CREB3L1: variants seen among roughly 807,000 people sequenced by gnomAD.
CREB3L1 encodes cyclic AMP-responsive element-binding protein 3-like protein 1.
In CREB3L1, 33 loss-of-function variants were observed where a neutral mutation model predicts 54.5. The ratio of observed to expected loss-of-function variants is 0.61; its 90% CI spans 0.46 to 0.81. CREB3L1 has a LOEUF of 0.81. CREB3L1 is among the 30% of genes least tolerant of loss of function. The pLI, the probability that CREB3L1 is intolerant of heterozygous loss-of-function variation, is 0.00. For synonymous variants in CREB3L1, 284 were observed against 286.4 expected (o/e 0.99, Z 0.08); for missense variants, 656 against 673.3 (o/e 0.97, Z 0.29).
intron 1 of CREB3L1, among the ~76,000 whole-genome samples, chr11:46,287,716 G>A (rs766798065): frequency 7.2e-5 from 11 of 152,078 alleles, no homozygotes; most frequent in Non-Finnish European, 1.6e-4. Flanking sequence ...GGTGGTTCAC[G>A]CCTGTAATCC....
chr11:46,318,520 G>A (rs888734095), intron 10 of CREB3L1, among the ~76,000 whole-genome samples: 3 of 152,230 alleles, frequency 2.0e-5, no homozygotes, highest in African/African-American at 7.2e-5. Context: ...GACAGTGCAT[G>A]AAATAGCACA....
chr11:46,307,952 C>A lies in CREB3L1; in HGVS notation c.468C>A (p.Thr156=), dbSNP rs1239632029. The A allele has an allele frequency of 1.3e-6, 2 of 1,567,002 alleles. No individual in the cohort carries two copies. The highest frequency in any genetic ancestry group is 1.4e-5 in the African/African-American group (1 of 73,262). ...CTGCCGCGGCCGCCATGGCCACCAC[C>A]CCGCTGCTGGGCCTCAGCCCCTTGT... The part of the protein sequence containing the change: ...AMAAAAAMAT[T]PLLGLSPLSR... The change falls in exon 3 of 12, where the codon ACC becomes ACA. Residue 156 remains threonine (T), a synonymous_variant. Coordinates refer to ENST00000621158, the MANE Select transcript of CREB3L1 (RefSeq NM_052854.4).
intron 7 of CREB3L1, 42 bp downstream of exon 7, chr11:46,312,712 G>T: frequency 6.3e-7 from 1 of 1,584,478 alleles, no homozygotes; most frequent in South Asian, 1.1e-5. Context: ...TCCCTTGCCT[G>T]ACCTGCCCTC....
chr11:46,307,758 C>A (rs1318707651), intron 2 of CREB3L1, 58 bp from the exon 3 acceptor site: 6 of 1,402,604 alleles, frequency 4.3e-6, no homozygotes, highest in Non-Finnish European at 4.8e-6. Flanking sequence ...TCCCAGGGGG[C>A]AGGCAGGGGG....
chr11:46,320,783 G>C lies in CREB3L1; in HGVS notation c.*37G>C. 1.9e-6 allele frequency: 3 copies of C among 1,603,996 alleles called. No individual in the cohort carries two copies. Among genetic ancestry groups the C allele is most frequent in the Non-Finnish European group, 2.6e-6 (3 of 1,174,878 alleles). ...ACCCAGGACATAGGACGGACCCCTG[G>C]TACCCAGAAGAGGAGTTCTTGCTCA... On this transcript the variant is annotated 3_prime_UTR_variant, in exon 12 of 12. Transcript: ENST00000621158.
intron 1 of CREB3L1, among the ~76,000 whole-genome samples, chr11:46,294,671 G>T (rs190715358): frequency 3.3e-4 from 50 of 152,064 alleles, no homozygotes; most frequent in African/African-American, 1.1e-3. Flanking sequence ...AAGGACAGGG[G>T]GGTCTGCTGA....
Position 46,300,125 on chromosome 11 carries a change from G to A in CREB3L1, c.293G>A (p.Ser98Asn). 1 of 1,613,522 alleles carries A rather than the reference G, an allele frequency of 6.2e-7. No homozygotes were observed. The highest frequency in any genetic ancestry group is 8.5e-7 in the Non-Finnish European group (1 of 1,179,686). Residue 98 changes from serine to asparagine, a missense_variant, in exon 2 of 12, where the codon AGC (serine) becomes AAC (asparagine). Ser to Asn is a conservative substitution (Grantham distance 46). Coordinates refer to ENST00000621158, the MANE Select transcript of CREB3L1 (RefSeq NM_052854.4). ...CTGAGCGGCGACTCAGCGCCCCAGA[G>A]CCCCCTTGTGCCCATCAAGATGGAG... ...YSLSGDSAPQSPLVPIKMEDT... is the reference protein window; with the variant it reads ...YSLSGDSAPQNPLVPIKMEDT...
chr11:46,300,640 A>C (rs918668713), intron 2 of CREB3L1, among the ~76,000 whole-genome samples: 1 of 152,176 alleles, frequency 6.6e-6, no homozygotes, highest in African/African-American at 2.4e-5. Context: ...AGGCCGAGGC[A>C]GGTGGATCAC....
At chr11:46,309,585 AG>A (rs1462733954) in intron 3 of CREB3L1, among the ~76,000 whole-genome samples, 1 of 152,208 alleles carries the variant, frequency 6.6e-6, no homozygotes, top group Non-Finnish European at 1.5e-5. Context: ...CGGAGCCCCC[AG>A]CCAATTAATG....
At chr11:46,318,378 C>G (rs1375295249) in intron 10 of CREB3L1, among the ~76,000 whole-genome samples, 2 of 152,138 alleles carry the variant, frequency 1.3e-5, no homozygotes, top group African/African-American at 4.8e-5. Context: ...TGGTTAGGAG[C>G]ATGGGGATGT....
chr11:46,284,745 G>A (rs1253680977), intron 1 of CREB3L1, among the ~76,000 whole-genome samples: 1 of 152,048 alleles, frequency 6.6e-6, no homozygotes, highest in Non-Finnish European at 1.5e-5. Flanking sequence ...TGTGCACTCT[G>A]CTCAAGGGCA....
At chr11:46,283,986 C>T (rs1407382125) in intron 1 of CREB3L1, among the ~76,000 whole-genome samples, 1 of 152,120 alleles carries the variant, frequency 6.6e-6, no homozygotes, top group African/African-American at 2.4e-5. Context: ...GATGCTGGGT[C>T]CCACAGAAGT....
chr11:46,308,762 G>A (rs572266917), intron 3 of CREB3L1, among the ~76,000 whole-genome samples: 2 of 152,320 alleles, frequency 1.3e-5, no homozygotes, highest in African/African-American at 4.8e-5. Context: ...CTAACTGTAC[G>A]TGGCTGAAGG....
At position 46,320,438 on chromosome 11, in the gene CREB3L1, C is replaced by T. The variant is rs764332846; in HGVS notation, c.1433C>T (p.Thr478Ile). The T allele has an allele frequency of 3.7e-6, 6 of 1,610,210 alleles. No individual in the cohort carries two copies. The highest frequency in any genetic ancestry group is 5.1e-6 in the Non-Finnish European group (6 of 1,178,428). ...GATCACCTGGACAGCACCCACGAGA[C>T]CACCAAGTACCTGAGTGAGGCCTGG... ...QHDHLDSTHETTKYLSEAWPK... is the reference protein window; with the variant it reads ...QHDHLDSTHEITKYLSEAWPK... Residue 478 changes from threonine (T) to isoleucine (I), a missense_variant, in exon 11 of 12, where the codon ACC (threonine) becomes ATC (isoleucine). Physicochemically the swap from Thr to Ile is moderately conservative, Grantham distance 89. Around this residue, in one of 3 missense-constraint regions of CREB3L1, gnomAD observed 240 missense variants for 219.8 expected, o/e 1.09. Coordinates refer to ENST00000621158, the MANE Select transcript of CREB3L1 (RefSeq NM_052854.4).
At chr11:46,319,778 C>T (rs1939619286) in intron 10 of CREB3L1, among the ~76,000 whole-genome samples, 1 of 151,710 alleles carries the variant, frequency 6.6e-6, no homozygotes, top group Non-Finnish European at 1.5e-5. Flanking sequence ...ACTCGGGAGG[C>T]TGAGGCAGGA....
intron 1 of CREB3L1, among the ~76,000 whole-genome samples, chr11:46,279,508 C>T (rs2136331981): frequency 1.3e-5 from 2 of 152,316 alleles, no homozygotes; most frequent in East Asian, 3.9e-4. Flanking sequence ...GGGCAGAGGG[C>T]TTGCATTGAC....
At chr11:46,288,113 C>T (rs143258571) in intron 1 of CREB3L1, among the ~76,000 whole-genome samples, 2,516 of 151,822 alleles carry the variant, frequency 0.017, 76 homozygotes, top group African/African-American at 0.058. Context: ...GATGGAGTCT[C>T]GCTCTGTTGC....
At chr11:46,312,966 A>G (rs1326892240) in intron 8 of CREB3L1, 47 bp downstream of exon 8, 1 of 1,426,348 alleles carries the variant, frequency 7.0e-7, no homozygotes, top group African/African-American at 1.4e-5. Context: ...CCCCTCTGCA[A>G]CCCGTGCCTG....
chr11:46,307,732 T>C (rs1939419892), intron 2 of CREB3L1, 84 bp from the exon 3 acceptor site: 1 of 1,221,018 alleles, frequency 8.2e-7, no homozygotes, highest in African/African-American at 1.5e-5. Context: ...CTCTCTTCAG[T>C]TCAGCCTAGG....
Sources: allele counts gnomAD v4.1 joint callset (sites outside exome capture counted in the v4.1 genomes callset), GRCh38; gene constraint gnomAD v4.1.1; regional missense constraint gnomAD v4.1.1; transcripts MANE v1.5; gene names NCBI Gene and HGNC (gene_info 2026-07-23, HGNC 2026-07-21).